Variants in TMPRSS9 observed in about 807,000 individuals in gnomAD.
TMPRSS9 encodes transmembrane serine protease 9.
A neutral mutation model predicts 111.4 loss-of-function variants in TMPRSS9; 113 were observed. The ratio of observed to expected loss-of-function variants is 1.01; its 90% CI spans 0.87 to 1.19. TMPRSS9 has a LOEUF of 1.19. Among genes scored for constraint, TMPRSS9 ranks in the 50% most tolerant of loss-of-function variants. The pLI, the probability that TMPRSS9 is intolerant of heterozygous loss-of-function variation, is 0.00. For synonymous variants in TMPRSS9, 805 were observed against 659.1 expected (o/e 1.22, Z -3.39); for missense variants, 1,803 against 1,513.1 (o/e 1.19, Z -3.18).
chr19:2,389,782 A>G, exon 1 of TMPRSS9: 1 of 1,611,678 alleles, frequency 6.2e-7, no homozygotes, highest in Non-Finnish European at 8.5e-7. Flanking sequence ...CGTGTCTCTG[A>G]GCCATGGAGC....
intron 14 of TMPRSS9, 36 bp downstream of exon 15, chr19:2,422,283 G>A (rs367633671): frequency 8.7e-6 from 13 of 1,491,448 alleles, no homozygotes; most frequent in Admixed American, 2.3e-5. Context: ...TGGGAGTGGA[G>A]GGTCCCATGT....
At chr19:2,399,276 C>T (rs1599294003) in intron 4 of TMPRSS9, 83 bp downstream of exon 5, 14 of 1,469,398 alleles carry the variant, frequency 9.5e-6, no homozygotes, top group Non-Finnish European at 1.3e-5. Flanking sequence ...TGATAACCAC[C>T]CCTTCCCATA....
At chr19:2,382,664 T>C (rs1021098435) in intron 1 of TMPRSS9, among the ~76,000 whole-genome samples, 7 of 133,276 alleles carry the variant, frequency 5.3e-5, no homozygotes. Flanking sequence ...CATACACACA[T>C]GCACACGTGC....
chr19:2,378,823 C>T (rs571167215), intron 1 of TMPRSS9, among the ~76,000 whole-genome samples: 8 of 152,094 alleles, frequency 5.3e-5, no homozygotes, highest in Non-Finnish European at 8.8e-5. Context: ...ACAATCATGG[C>T]GGAAGGAGGA....
chr19:2,366,577 G>T (rs1970249035), intron 1 of TMPRSS9, among the ~76,000 whole-genome samples: 1 of 150,004 alleles, frequency 6.7e-6, no homozygotes, highest in Non-Finnish European at 1.5e-5. Flanking sequence ...TGGGCCAGGG[G>T]CTGGGTGCGG....
intron 5 of TMPRSS9, 123 bp downstream of exon 6, chr19:2,402,139 T>G: frequency 1.5e-6 from 1 of 682,692 alleles, no homozygotes. Context: ...ACATCTGTCG[T>G]CCCAGCACTT....
At chr19:2,372,428 G>A (rs1970298844) in intron 1 of TMPRSS9, among the ~76,000 whole-genome samples, 1 of 151,990 alleles carries the variant, frequency 6.6e-6, no homozygotes. Context: ...AAGGTCACCT[G>A]TCAACCTCCA....
At chr19:2,405,297 CAG>C (rs1486393382) in intron 6 of TMPRSS9, 75 bp from the exon 8 acceptor site, 2 of 1,490,300 alleles carry the variant, frequency 1.3e-6, no homozygotes, top group African/African-American at 2.9e-5. Flanking sequence ...ACGAGAGACT[CAG>C]AGATGCATGT....
chr19:2,362,352 T>C (rs1043361638), intron 1 of TMPRSS9, among the ~76,000 whole-genome samples: 1 of 151,848 alleles, frequency 6.6e-6, no homozygotes, highest in African/African-American at 2.4e-5. Flanking sequence ...TTGTGCGAGA[T>C]TGTGTGACTG....
intron 1 of TMPRSS9, among the ~76,000 whole-genome samples, chr19:2,391,622 A>G (rs990498647): frequency 1.3e-5 from 2 of 148,244 alleles, no homozygotes; most frequent in Non-Finnish European, 3.0e-5. Flanking sequence ...GTGTGTGTCC[A>G]TCACCTAGTG....
intron 1 of TMPRSS9, among the ~76,000 whole-genome samples, chr19:2,368,834 G>A (rs944288767): frequency 7.5e-6 from 1 of 134,016 alleles, no homozygotes; most frequent in Non-Finnish European, 1.5e-5. Flanking sequence ...GCCCAGGCTG[G>A]AGCACAGTGG....
chr19:2,389,728 C>T, upstream of TMPRSS9: 3 of 1,561,062 alleles, frequency 1.9e-6, no homozygotes, highest in South Asian at 3.5e-5. Context: ...CAGCCTCTGA[C>T]CCCGTGTTTC....
intron 12 of TMPRSS9, 123 bp from the exon 14 acceptor site, chr19:2,417,879 G>C (rs577101514): frequency 7.4e-7 from 1 of 1,343,254 alleles, no homozygotes; most frequent in East Asian, 2.3e-5. Flanking sequence ...CTGCAACTCT[G>C]TGAGCCCTGG....
chr19:2,418,190 C>T (rs1278501249), intron 13 of TMPRSS9, 52 bp downstream of exon 14: 9 of 1,552,694 alleles, frequency 5.8e-6, no homozygotes, highest in African/African-American at 1.4e-5. Context: ...ATGCCCACAG[C>T]CGTTCACCCA....
At position 2,408,386 on chromosome 19, in the gene TMPRSS9, C is replaced by T. The variant is rs753431403; in HGVS notation, c.873C>T (p.Tyr291=). Residue 291 remains tyrosine (Y), a synonymous_variant, in exon 8 of 18, where the codon TAC becomes TAT. Transcript: ENST00000648592. ...AAGACCCGACGAAGTGGGTGGCCTA[C>T]GTGGGTGCGACCTACCTCAGCGGCT... 8.1e-6 allele frequency: 13 copies of T among 1,613,642 alleles called. No homozygotes were observed. The East Asian group carries it at 8.9e-5, about 11-fold the overall frequency.
rs143462229 is a variant in TMPRSS9 at position 2,384,137 on chromosome 19, A to G, written c.-25-5624A>G. 2.8e-4 allele frequency among the ~76,000 whole-genome samples: 42 copies of G among 152,294 alleles called. No homozygotes were observed. The East Asian group carries it at 8.1e-3, about 29-fold the overall frequency. On this transcript the variant is annotated intron_variant, in intron 1 of 17. Transcript: ENST00000649857. ...GGAAACAGAATGGCATTGTTCCCCC[A>G]GCTTCCTTTTCTGTGGGTTTCTAAT...
intron 1 of TMPRSS9, among the ~76,000 whole-genome samples, chr19:2,381,145 C>T (rs143845430): frequency 0.011 from 1,709 of 151,916 alleles, 38 homozygotes; most frequent in African/African-American, 0.037. Flanking sequence ...ATTCAGGGTT[C>T]GACGCAGCCA....
intron 11 of TMPRSS9, chr19:2,416,198 A>C: frequency 2.3e-6 from 1 of 427,502 alleles, no homozygotes; most frequent in Non-Finnish European, 4.2e-6. Flanking sequence ...TGATGGTGCC[A>C]CTGCACTCCA....
At chr19:2,388,118 G>A (rs1382749666), upstream of TMPRSS9, among the ~76,000 whole-genome samples, 4 of 152,208 alleles carry the variant, frequency 2.6e-5, no homozygotes, top group East Asian at 1.9e-4. Context: ...CAGGCTGGGC[G>A]CGGTGGCTCA....
Sources: allele counts gnomAD v4.1 joint callset (sites outside exome capture counted in the v4.1 genomes callset), GRCh38; gene constraint gnomAD v4.1.1; transcripts MANE v1.5; gene names NCBI Gene and HGNC (gene_info 2026-07-23, HGNC 2026-07-21).